HIVEP3: variants seen among roughly 807,000 people sequenced by gnomAD.
The protein encoded by HIVEP3 is transcription factor HIVEP3.
HIVEP3 carries 49 observed loss-of-function variants against 152.8 expected under a neutral mutation model. That is an observed-to-expected ratio of 0.32 (90% CI 0.26 to 0.41). The LOEUF is 0.41. Among genes scored for constraint, HIVEP3 ranks in the 10% least tolerant of loss-of-function variants. The pLI is 1.00. For missense variants in HIVEP3, 2,790 were observed against 3,103.3 expected, an observed-to-expected ratio of 0.90 and a Z score of 2.40; for synonymous variants, 1,269 against 1,289.0, an observed-to-expected ratio of 0.98 and a Z score of 0.33.
chr1:41,870,678 TATTA>T (rs1557468656), intron 1 of HIVEP3, among the ~76,000 whole-genome samples: 1 of 152,256 alleles, frequency 6.6e-6, no homozygotes, highest in African/African-American at 2.4e-5. Context: ...TTGTTTTATT[TATTA>T]ATCTACTAGT....
chr1:41,849,746 A>C (rs926421039), intron 1 of HIVEP3, among the ~76,000 whole-genome samples: 1 of 150,256 alleles, frequency 6.7e-6, no homozygotes, highest in Non-Finnish European at 1.5e-5. Flanking sequence ...GCTGGAGTGC[A>C]ATGGCGCAAT....
chr1:41,884,305 T>C (rs1418798423), intron 1 of HIVEP3, among the ~76,000 whole-genome samples: 1 of 152,196 alleles, frequency 6.6e-6, no homozygotes, highest in Non-Finnish European at 1.5e-5. Context: ...ATGCAGATAC[T>C]GTTTGCCTGT....
intron 1 of HIVEP3, among the ~76,000 whole-genome samples, chr1:41,929,528 T>C (rs1184381390): frequency 2.0e-5 from 3 of 151,824 alleles, no homozygotes; most frequent in Admixed American, 6.6e-5. Flanking sequence ...TTTTATTAAA[T>C]AATAGCATTT....
intron 5 of HIVEP3, chr1:41,543,989 G>GAGCCC (rs1425268749): frequency 6.6e-6 from 1 of 152,050 alleles, no homozygotes; most frequent in African/African-American, 2.4e-5. Context: ...GCTCCTCCTG[G>GAGCCC]TGCTGCAAGC....
At chr1:42,015,222 A>G (rs1452694777) in intron 1 of HIVEP3, among the ~76,000 whole-genome samples, 1 of 152,218 alleles carries the variant, frequency 6.6e-6, no homozygotes, top group Non-Finnish European at 1.5e-5. Flanking sequence ...AGGTATGTAA[A>G]GAATGCAACT....
chr1:41,822,205 C>T (rs1238578059), intron 1 of HIVEP3, among the ~76,000 whole-genome samples: 1 of 152,158 alleles, frequency 6.6e-6, no homozygotes, highest in Non-Finnish European at 1.5e-5. Flanking sequence ...CCTCCAGGGC[C>T]TCTCTCCCTA....
intron 1 of HIVEP3, among the ~76,000 whole-genome samples, chr1:41,973,046 GCACACACACA>G (rs61424124): frequency 2.7e-5 from 4 of 147,120 alleles, no homozygotes; most frequent in Non-Finnish European, 4.5e-5. Flanking sequence ...ACATGTGCGT[GCACACACACA>G]CACACACACA....
At chr1:42,001,352 TAA>T (rs1645426758) in intron 1 of HIVEP3, among the ~76,000 whole-genome samples, 1 of 152,214 alleles carries the variant, frequency 6.6e-6, no homozygotes, top group Non-Finnish European at 1.5e-5. Flanking sequence ...AAATCCAGGT[TAA>T]AGACTCATCA....
In HIVEP3 at chr1:41,918,864, T is replaced by C. The variant is rs1644914122; in HGVS notation, c.-1252A>G. 6.6e-6 allele frequency among the ~76,000 whole-genome samples: 1 copy of C among 152,210 alleles called. No homozygotes were observed. The highest frequency in any genetic ancestry group is 1.5e-5 in the Non-Finnish European group (1 of 68,038). ...AGACACAGAATCTAATCAGCAGCTG[T>C]TTTCTGAATCCAGAGCCAACCCATG... On this transcript the variant is annotated 5_prime_UTR_variant, in exon 1 of 9. Coordinates refer to ENST00000372583, the MANE Select transcript of HIVEP3 (RefSeq NM_024503.5). This position sits in a 1 kb window ranked among gnomAD's most constrained non-coding sequence, Gnocchi z 4.3.
At chr1:41,834,898 G>A (rs1643077383) in intron 1 of HIVEP3, among the ~76,000 whole-genome samples, 1 of 152,136 alleles carries the variant, frequency 6.6e-6, no homozygotes, top group South Asian at 2.1e-4. Flanking sequence ...GCCCTGAGGT[G>A]GGAATGTGCT....
chr1:41,819,597 TTTC>T (rs1175341193), intron 1 of HIVEP3, among the ~76,000 whole-genome samples: 1 of 152,236 alleles, frequency 6.6e-6, no homozygotes. Flanking sequence ...TCCGCTAAGA[TTTC>T]TTCTTTGATT....
chr1:41,698,883 G>A (rs558385056), intron 2 of HIVEP3, among the ~76,000 whole-genome samples: 2 of 152,276 alleles, frequency 1.3e-5, no homozygotes, highest in African/African-American at 4.8e-5. Flanking sequence ...CTTTGTCTAT[G>A]TGTCCCTTCT....
intron 1 of HIVEP3, among the ~76,000 whole-genome samples, chr1:41,838,818 A>C (rs1464754313): frequency 1.3e-5 from 2 of 152,166 alleles, no homozygotes; most frequent in Non-Finnish European, 2.9e-5. Context: ...AGGAAGGGTA[A>C]TATGCACAAT....
intron 5 of HIVEP3, among the ~76,000 whole-genome samples, chr1:41,532,241 TGGAGGACAGGAGAGAAG>T (rs1261984016): frequency 2.7e-5 from 3 of 109,868 alleles, no homozygotes; most frequent in Admixed American, 9.8e-5. Flanking sequence ...ACAGGGGAGA[TGGAGGACAGGAGAGAAG>T]GGAGGACAGG....
chr1:41,526,545 ACT>A (rs1642924667), intron 5 of HIVEP3, among the ~76,000 whole-genome samples: 1 of 52,864 alleles, frequency 1.9e-5, no homozygotes, highest in Non-Finnish European at 3.3e-5. Context: ...ACACCCCCAC[ACT>A]CACCCTCACC....
chr1:41,926,042 T>C (rs543804195), intron 1 of HIVEP3, among the ~76,000 whole-genome samples: 1 of 152,322 alleles, frequency 6.6e-6, no homozygotes, highest in East Asian at 1.9e-4. Context: ...GATAGCCATG[T>C]GGATGAGTGG....
At chr1:42,019,583 G>A (rs78422298) in intron 1 of HIVEP3, among the ~76,000 whole-genome samples, 164 of 151,682 alleles carry the variant, frequency 1.1e-3, no homozygotes, top group African/African-American at 3.7e-3. Context: ...ATATTGACCT[G>A]GTATCCAGTA....
chr1:41,548,617 C>T (rs551717264), intron 5 of HIVEP3, among the ~76,000 whole-genome samples: 6 of 152,040 alleles, frequency 3.9e-5, no homozygotes, highest in African/African-American at 1.4e-4. Flanking sequence ...CTCATTGCAA[C>T]CTCCACCTCC....
chr1:42,012,593 G>C (rs930871140), intron 1 of HIVEP3, among the ~76,000 whole-genome samples: 1 of 152,208 alleles, frequency 6.6e-6, no homozygotes, highest in Non-Finnish European at 1.5e-5. Context: ...GGAAGGCTGA[G>C]ACAAGAGAAT....
Sources: gnomAD v4.1 joint callset for allele counts (sites outside exome capture counted in the v4.1 genomes callset) on GRCh38, gnomAD v4.1.1 for gene constraint, Gnocchi (gnomAD v3.1) non-coding constraint, MANE v1.5 for transcripts, NCBI Gene and HGNC (gene_info 2026-07-23, HGNC 2026-07-21) for gene names.